Variants in OCRL observed in about 807,000 individuals in gnomAD.
The protein encoded by OCRL is inositol polyphosphate 5-phosphatase OCRL.
A neutral mutation model predicts 78.9 loss-of-function variants in OCRL; 8 were observed. The observed-to-expected ratio is 0.10, with a 90% CI of 0.06 to 0.18. The LOEUF is 0.18. OCRL is among the 10% of genes least tolerant of loss of function. The pLI is 1.00. For missense variants in OCRL, 454 were observed against 696.7 expected (o/e 0.65, Z 3.92); for synonymous variants, 240 against 235.4 (o/e 1.02, Z -0.18).
chrX:129,560,051 A>G (rs1936123887), intron 8 of OCRL, among the ~76,000 whole-genome samples: 2 of 112,240 alleles, frequency 1.8e-5, no homozygotes, highest in East Asian at 2.8e-4. Flanking sequence ...AACAGTTAAG[A>G]CAGTCATGAG....
Position 129,548,601 on chromosome X carries a change from A to G in OCRL, c.238A>G (p.Ser80Gly). 1.7e-6 allele frequency: 2 copies of G among 1,193,788 alleles called. No homozygotes were observed. The highest frequency in any genetic ancestry group is 1.8e-5 in the South Asian group (1 of 56,561). ...TCTTTTGATTGACATAGCTTCTAAC[A>G]GTGAGTATCTTTCTGAATGTGCTTG... Reference protein sequence around the residue: ...ETLLIDIASNSGCKIRVQGDW... With the variant: ...ETLLIDIASNGGCKIRVQGDW... The change falls in exon 4 of 24, where the codon AGT becomes GGT. Residue 80 changes from serine (S) to glycine (G), a missense_variant and splice_region_variant. Ser to Gly is a moderately conservative substitution (Grantham distance 56). Transcript: ENST00000371113.
chrX:129,558,548 T>C, intron 6 of OCRL, 85 bp from the exon 7 acceptor site: 1 of 1,079,539 alleles, frequency 9.3e-7, no homozygotes, highest in East Asian at 3.0e-5. Context: ...CTGATCAAAT[T>C]GTGATCAAAT....
intron 14 of OCRL, among the ~76,000 whole-genome samples, chrX:129,567,765 G>A (rs1443591178): frequency 8.9e-6 from 1 of 111,767 alleles, no homozygotes; most frequent in Non-Finnish European, 1.9e-5. Flanking sequence ...ACGAAGCCAT[G>A]AAGGGTTCTT....
intron 10 of OCRL, 33 bp from the exon 11 acceptor site, chrX:129,562,351 C>T: frequency 9.5e-7 from 1 of 1,056,038 alleles, no homozygotes; most frequent in Non-Finnish European, 1.3e-6. Context: ...TTGGTATTAA[C>T]ATTAACCTTT....
rs1569459485 is a variant in OCRL, at chrX:129,562,485, A to C, written c.1041A>C (p.Gly347=). The change falls in exon 11 of 24, where the codon GGA becomes GGC. Residue 347 remains glycine, a synonymous_variant. Transcript: ENST00000371113. ...RDIATETVGT[G]IMGKMGNKGG... is the part of the protein sequence containing the mutation. ...TTGCTACAGAAACAGTTGGAACTGG[A>C]ATCATGGGGAAAATGGTGAGTTACT... 4.2e-6 allele frequency: 5 copies of C among 1,201,781 alleles called. No homozygotes were observed. Among genetic ancestry groups the C allele is most frequent in the Non-Finnish European group, 5.6e-6 (5 of 886,392 alleles).
chrX:129,590,057 T>C, intron 23 of OCRL, 89 bp from the exon 24 acceptor site: 1 of 1,178,611 alleles, frequency 8.5e-7, no homozygotes, highest in South Asian at 1.8e-5. Context: ...TGGCAGTCAA[T>C]AGTCCTTGTC....
chrX:129,591,259 T>A lies in OCRL; in HGVS notation c.*989T>A, dbSNP rs1015485735. 3 of 113,160 alleles carry A rather than the reference T, an allele frequency of 2.7e-5. No individual in the cohort carries two copies. The highest frequency in any genetic ancestry group is 9.8e-5 in the African/African-American group (3 of 30,713). 9.3% of individuals were successfully genotyped at this position (113,160 alleles called of 1,213,427 possible). A position where few individuals can be genotyped will look rare whatever the true frequency, so the allele number is the denominator to read the frequency against. On this transcript the variant is annotated 3_prime_UTR_variant, in exon 24 of 24. Coordinates refer to ENST00000371113, the MANE Select transcript of OCRL (RefSeq NM_000276.4). The stretch of plus-strand genomic sequence containing the variant: ...TGTGGATGACCCTTAGAATCCATTC[T>A]CTGGTCTTCTGAAATACCAAGGGCA...
chrX:129,550,519 A>T lies in OCRL; in HGVS notation c.238+1918A>T, dbSNP rs189827496. Among the ~76,000 whole-genome samples the T allele has an allele frequency of 1.7e-4, 19 of 111,440 alleles. No homozygotes were observed. The East Asian group carries it at 5.3e-3, about 31-fold the overall frequency. ...TTTCAGGTCCTCTTTTATATCTTTC[A>T]ATAAAATTTTATAGTTTCTTAATAT... is the stretch of plus-strand genomic sequence containing the variant. On this transcript the variant is annotated intron_variant, in intron 4 of 23. Coordinates refer to ENST00000371113, the MANE Select transcript of OCRL (RefSeq NM_000276.4).
chrX:129,553,274 G>A (rs1324118379), intron 4 of OCRL: 6 of 112,118 alleles, frequency 5.4e-5, no homozygotes, highest in African/African-American at 3.2e-5. Flanking sequence ...TGGGATGGAG[G>A]TTATTGGTGA....
At chrX:129,565,593 T>C (rs1324686040) in intron 12 of OCRL, among the ~76,000 whole-genome samples, 179 bp from the exon 13 acceptor site, 1 of 112,199 alleles carries the variant, frequency 8.9e-6, no homozygotes, top group Non-Finnish European at 1.9e-5. Flanking sequence ...TGTAATCCAT[T>C]GTCTCTCTCA....
chrX:129,571,236 A>G (rs1024691625), intron 15 of OCRL, among the ~76,000 whole-genome samples: 2 of 110,303 alleles, frequency 1.8e-5, no homozygotes, highest in Admixed American at 9.6e-5. Flanking sequence ...CTCTTAATCC[A>G]TTTTGAGAGG....
chrX:129,567,156 T>G, intron 13 of OCRL, 98 bp from the exon 14 acceptor site: 1 of 580,422 alleles, frequency 1.7e-6, no homozygotes. Flanking sequence ...GTTGTGGAAC[T>G]AGATACTTTG....
intron 15 of OCRL, among the ~76,000 whole-genome samples, chrX:129,571,308 C>T (rs5977109): frequency 0.21 from 22,429 of 105,809 alleles, 4,378 homozygotes; most frequent in East Asian, 0.74. Flanking sequence ...TTTTTGTTTA[C>T]ATTTCTTTTC....
chrX:129,553,423 G>A (rs1259874764), intron 4 of OCRL: 1 of 111,968 alleles, frequency 8.9e-6, no homozygotes, highest in Non-Finnish European at 1.9e-5. Context: ...TGGAATTGGA[G>A]GGAAATCTGA....
chrX:129,545,803 T>C (rs1935870361), intron 3 of OCRL, among the ~76,000 whole-genome samples: 2 of 111,711 alleles, frequency 1.8e-5, no homozygotes, highest in Non-Finnish European at 3.8e-5. Flanking sequence ...ACAAGGTCAT[T>C]TCCCAGGCTC....
intron 20 of OCRL, among the ~76,000 whole-genome samples, chrX:129,587,792 T>G (rs1318228324): frequency 9.2e-6 from 1 of 108,611 alleles, no homozygotes; most frequent in Non-Finnish European, 1.9e-5. Context: ...CCCAGCATTT[T>G]GGGAGGCAGA....
rs750341146 is a variant in OCRL, at chrX:129,590,158, C to A, written c.2594C>A (p.Thr865Asn). Residue 865 changes from threonine to asparagine, a missense_variant, in exon 24 of 24, where the codon ACT becomes AAT. Transcript: ENST00000371113. ...TCTCGTCTTGTAGCTACTCTCTTCACTAGTCTTCTCCTGAGGCCTCCACCC... is the reference window on the plus strand; with the variant it reads ...TCTCGTCTTGTAGCTACTCTCTTCAATAGTCTTCTCCTGAGGCCTCCACCC... ...VNANMIATLF[T>N]SLLLRPPPNL... is the part of the protein sequence containing the mutation. 1 of 1,209,778 alleles carries A rather than the reference C, an allele frequency of 8.3e-7. No homozygotes were observed. The highest frequency in any genetic ancestry group is 1.8e-5 in the South Asian group (1 of 56,774).
At chrX:129,561,670 T>C (rs899759945) in intron 10 of OCRL, among the ~76,000 whole-genome samples, 2 of 112,000 alleles carry the variant, frequency 1.8e-5, no homozygotes, top group Admixed American at 1.9e-4. Flanking sequence ...AGAGCAAGAA[T>C]AGAAGTGGTG....
At chrX:129,559,500 TCCCTTG>T (rs1472125572) in intron 8 of OCRL, among the ~76,000 whole-genome samples, 1 of 112,069 alleles carries the variant, frequency 8.9e-6, no homozygotes, top group Non-Finnish European at 1.9e-5. Flanking sequence ...TGCTTGGCCT[TCCCTTG>T]GATTTTCTAA....
Sources: allele counts gnomAD v4.1 joint callset (sites outside exome capture counted in the v4.1 genomes callset), GRCh38; gene constraint gnomAD v4.1.1; transcripts MANE v1.5; gene names NCBI Gene and HGNC (gene_info 2026-07-23, HGNC 2026-07-21).